CNBD1: variants seen among roughly 807,000 people sequenced by gnomAD.
The protein encoded by CNBD1 is cyclic nucleotide-binding domain-containing protein 1.
Under a neutral mutation model 54.4 loss-of-function variants are expected in CNBD1, and 71 were observed. That is an observed-to-expected ratio of 1.30 (90% CI 1.08 to 1.59). The LOEUF is 1.59. Among genes scored for constraint, CNBD1 ranks in the 40% most tolerant of loss-of-function variants. CNBD1 has a pLI of 0.00. For synonymous variants in CNBD1, 182 were observed against 170.7 expected, an observed-to-expected ratio of 1.07 and a Z score of -0.51; for missense variants, 659 against 518.0, an observed-to-expected ratio of 1.27 and a Z score of -2.64.
chr8:87,355,175 G>A (rs1810397008), intron 10 of CNBD1, among the ~76,000 whole-genome samples: 2 of 152,144 alleles, frequency 1.3e-5, no homozygotes, highest in African/African-American at 2.4e-5. Context: ...GCTATACACT[G>A]CCCCTTTTAT....
chr8:86,869,112 A>G (rs1383764130), intron 1 of CNBD1, among the ~76,000 whole-genome samples: 1 of 152,182 alleles, frequency 6.6e-6, no homozygotes, highest in Non-Finnish European at 1.5e-5. Flanking sequence ...TGCTGATGTG[A>G]TTTTAGCCCA....
At chr8:87,297,724 T>G (rs1280470154) in intron 8 of CNBD1, among the ~76,000 whole-genome samples, 1 of 151,738 alleles carries the variant, frequency 6.6e-6, no homozygotes, top group Non-Finnish European at 1.5e-5. Flanking sequence ...TGTGTGTGAT[T>G]ATCTCAAGAA....
chr8:86,945,267 A>C (rs1354752403), intron 4 of CNBD1, among the ~76,000 whole-genome samples: 2 of 152,094 alleles, frequency 1.3e-5, no homozygotes, highest in Non-Finnish European at 2.9e-5. Context: ...ACTTGGCCCG[A>C]TTGTTTTTTC....
chr8:86,912,517 A>G (rs1809115682), intron 3 of CNBD1, among the ~76,000 whole-genome samples: 1 of 152,190 alleles, frequency 6.6e-6, no homozygotes, highest in East Asian at 1.9e-4. Context: ...GTCATACTTT[A>G]ACATATTACT....
intron 4 of CNBD1, among the ~76,000 whole-genome samples, chr8:87,096,343 C>CTTT (rs764461082): frequency 8.5e-5 from 10 of 117,150 alleles, no homozygotes; most frequent in African/African-American, 3.1e-4. Flanking sequence ...TCTCTGGTGT[C>CTTT]TTTTTTTTTT....
intron 10 of CNBD1, among the ~76,000 whole-genome samples, chr8:87,376,136 T>C (rs1306220644): frequency 1.3e-5 from 2 of 151,952 alleles, no homozygotes; most frequent in African/African-American, 2.4e-5. Context: ...AAATATAGTT[T>C]AGATGAGCTC....
chr8:86,943,273 C>T (rs185135708), intron 4 of CNBD1, among the ~76,000 whole-genome samples: 1,777 of 140,454 alleles, frequency 0.013, 30 homozygotes, highest in African/African-American at 0.045. Context: ...CCCAGCTACT[C>T]GGGAGGCTGA....
chr8:87,367,600 TA>T (rs1274120933), intron 10 of CNBD1, among the ~76,000 whole-genome samples: 14 of 152,164 alleles, frequency 9.2e-5, no homozygotes, highest in Admixed American at 9.2e-4. Context: ...TCCCACTTTT[TA>T]ATTACCTTGA....
chr8:86,948,240 TC>T (rs1240076630), intron 4 of CNBD1, among the ~76,000 whole-genome samples: 2 of 152,182 alleles, frequency 1.3e-5, no homozygotes, highest in African/African-American at 4.8e-5. Flanking sequence ...AGATATCTCT[TC>T]AATATACTGA....
chr8:86,969,319 T>C (rs920654923), intron 4 of CNBD1, among the ~76,000 whole-genome samples: 1 of 152,168 alleles, frequency 6.6e-6, no homozygotes. Context: ...AACGCAGATA[T>C]TTTGATTGAA....
intron 4 of CNBD1, among the ~76,000 whole-genome samples, chr8:87,191,002 C>G (rs904554794): frequency 6.7e-6 from 1 of 149,520 alleles, no homozygotes; most frequent in African/African-American, 2.5e-5. Flanking sequence ...AGCTAATTCT[C>G]CTTAATAAAC....
At chr8:87,388,028 G>C (rs1044600609) in intron 2 of CNBD1, among the ~76,000 whole-genome samples, 9 of 152,132 alleles carry the variant, frequency 5.9e-5, no homozygotes, top group African/African-American at 1.9e-4. Flanking sequence ...CGAAATGAAG[G>C]CAGAAATAAA....
In CNBD1 at chr8:87,085,595, C is replaced by A. The variant is rs142790304; in HGVS notation, c.432-120398C>A. Among the ~76,000 whole-genome samples the A allele has an allele frequency of 5.8e-3, 889 of 152,188 alleles. 8 individuals are homozygous for A. The highest frequency in any genetic ancestry group is 9.1e-3 in the Non-Finnish European group (617 of 67,998). On this transcript the variant is annotated intron_variant, in intron 4 of 10. Transcript: ENST00000518476. ...TGATTTCAAATTCCTCTAGTGTTGT[C>A]TTTTACTTAGAGTGGCAGCTGAGTA...
At chr8:86,936,183 C>T (rs1365636826) in intron 3 of CNBD1, among the ~76,000 whole-genome samples, 2 of 152,064 alleles carry the variant, frequency 1.3e-5, no homozygotes. Flanking sequence ...TTTGTTTTAT[C>T]TGTGCCTCTT....
intron 8 of CNBD1, among the ~76,000 whole-genome samples, chr8:87,334,363 G>T (rs62526773): frequency 1.3e-5 from 2 of 151,526 alleles, no homozygotes; most frequent in Non-Finnish European, 2.9e-5. Flanking sequence ...AGGATTTTCT[G>T]TGTCTCTATC....
At chr8:87,196,970 T>C (rs1563503988) in intron 4 of CNBD1, among the ~76,000 whole-genome samples, 1 of 150,086 alleles carries the variant, frequency 6.7e-6, no homozygotes, top group Non-Finnish European at 1.5e-5. Flanking sequence ...ATAATAAGGA[T>C]AATTTGGCCG....
At chr8:86,940,739 A>G (rs1241683545) in intron 4 of CNBD1, among the ~76,000 whole-genome samples, 1 of 152,214 alleles carries the variant, frequency 6.6e-6, no homozygotes, top group East Asian at 1.9e-4. Flanking sequence ...TAACAGGAAC[A>G]AAACCAAAAG....
At chr8:87,342,000 G>T (rs184947287) in intron 8 of CNBD1, among the ~76,000 whole-genome samples, 84 of 152,282 alleles carry the variant, frequency 5.5e-4, no homozygotes, top group African/African-American at 1.8e-3. Flanking sequence ...TGGGCTTGGC[G>T]CAGTGGCTCA....
chr8:87,350,763 T>G (rs1466213693), intron 8 of CNBD1, among the ~76,000 whole-genome samples: 3 of 151,982 alleles, frequency 2.0e-5, no homozygotes. Context: ...TAAATATTGA[T>G]ATGTTTCAGA....
Sources: allele counts gnomAD v4.1 joint callset (sites outside exome capture counted in the v4.1 genomes callset), GRCh38; gene constraint gnomAD v4.1.1; transcripts MANE v1.5; gene names NCBI Gene and HGNC (gene_info 2026-07-23, HGNC 2026-07-21).